Variants in SOX5 observed in about 807,000 individuals in gnomAD.
SOX5 encodes the protein SRY-box transcription factor 5, also known as transcription factor SOX-5.
SOX5 carries 9 observed loss-of-function variants against 92.0 expected under a neutral mutation model. The ratio of observed to expected loss-of-function variants is 0.10; its 90% CI spans 0.06 to 0.17. The LOEUF is 0.17. SOX5 is among the 10% of genes least tolerant of loss of function. The pLI, the probability that SOX5 is intolerant of heterozygous loss-of-function variation, is 1.00. For missense variants in SOX5, 642 were observed against 944.5 expected (o/e 0.68, Z 4.20); for synonymous variants, 344 against 336.3 (o/e 1.02, Z -0.25).
chr12:24,363,689 T>A (rs1323393410), intron 2 of SOX5, among the ~76,000 whole-genome samples: 1 of 149,272 alleles, frequency 6.7e-6, no homozygotes, highest in Middle Eastern at 3.2e-3. Flanking sequence ...AGACTGAGAT[T>A]AATGAGGATT....
At chr12:23,840,296 A>T (rs772401614) in intron 3 of SOX5, among the ~76,000 whole-genome samples, 3 of 152,292 alleles carry the variant, frequency 2.0e-5, no homozygotes, top group African/African-American at 7.2e-5. Flanking sequence ...TTTAAGATCT[A>T]TATGTGGAAA....
intron 3 of SOX5, among the ~76,000 whole-genome samples, chr12:23,818,339 G>C (rs1369155287): frequency 1.3e-5 from 2 of 152,158 alleles, no homozygotes; most frequent in Non-Finnish European, 2.9e-5. Flanking sequence ...GTATGCAACT[G>C]TAACACGACT....
chr12:23,769,930 C>A (rs911490575), intron 3 of SOX5, among the ~76,000 whole-genome samples: 17 of 152,010 alleles, frequency 1.1e-4, no homozygotes, highest in Admixed American at 9.2e-4. Flanking sequence ...ATGCTCATAA[C>A]ACTTGGCTCC....
chr12:24,231,256 G>A (rs1169714667), intron 3 of SOX5, among the ~76,000 whole-genome samples: 1 of 152,020 alleles, frequency 6.6e-6, no homozygotes, highest in African/African-American at 2.4e-5. Flanking sequence ...CAGTAACAAG[G>A]CTCTCTTTCC....
intron 12 of SOX5, among the ~76,000 whole-genome samples, chr12:23,544,335 G>A (rs945596585): frequency 1.3e-5 from 2 of 152,150 alleles, no homozygotes; most frequent in Admixed American, 6.5e-5. Flanking sequence ...AAAATAAGGA[G>A]AACCAGTAGA....
intron 1 of SOX5, among the ~76,000 whole-genome samples, chr12:23,948,341 G>A (rs954858786): frequency 7.2e-5 from 11 of 151,774 alleles, no homozygotes; most frequent in East Asian, 1.9e-4. Context: ...ACATTCAAGC[G>A]TTACTTTATC....
intron 1 of SOX5, among the ~76,000 whole-genome samples, chr12:24,474,211 T>C (rs972468973): frequency 8.5e-5 from 13 of 152,226 alleles, no homozygotes; most frequent in African/African-American, 3.1e-4. Context: ...TTTTGTCATA[T>C]ATAAAACTTA....
At chr12:24,491,559 G>C (rs1157192515) in intron 1 of SOX5, among the ~76,000 whole-genome samples, 1 of 151,862 alleles carries the variant, frequency 6.6e-6, no homozygotes, top group Non-Finnish European at 1.5e-5. Context: ...AAGTAAAAAT[G>C]CAAAAAAAGT....
At chr12:23,625,067 A>T (rs2077600598) in intron 8 of SOX5, among the ~76,000 whole-genome samples, 1 of 152,240 alleles carries the variant, frequency 6.6e-6, no homozygotes, top group Admixed American at 6.5e-5. Context: ...GAGAGCAGGT[A>T]GTCAGGGTTC....
intron 6 of SOX5, among the ~76,000 whole-genome samples, chr12:23,704,713 T>TATATATATATATATATATATATAC: frequency 1.1e-5 from 1 of 89,054 alleles, no homozygotes; most frequent in East Asian, 2.6e-4. Flanking sequence ...TATATATATA[T>TATATATATATATATATATATATAC]ATACACACAC....
At chr12:24,506,816 A>T (rs1372168492) in intron 1 of SOX5, among the ~76,000 whole-genome samples, 1 of 66,124 alleles carries the variant, frequency 1.5e-5, no homozygotes, top group African/African-American at 5.9e-5. Flanking sequence ...TGGAGACGGG[A>T]GTCTCGCTCT....
chr12:24,473,780 C>T (rs1342720797), intron 1 of SOX5, among the ~76,000 whole-genome samples: 1 of 152,106 alleles, frequency 6.6e-6, no homozygotes, highest in Admixed American at 6.6e-5. Context: ...TTATCCAATA[C>T]CTGATGTATT....
chr12:23,534,623 G>A lies in SOX5; in HGVS notation c.1989-101C>T, dbSNP rs1939810539. 3.3e-6 allele frequency: 3 copies of A among 899,134 alleles called. No individual in the cohort carries two copies. The East Asian group carries it at 8.0e-5, about 24-fold the overall frequency. 55.7% of individuals were successfully genotyped at this position (899,134 alleles called of 1,614,324 possible). A position where few individuals can be genotyped will look rare whatever the true frequency, so the allele number is the denominator to read the frequency against. On this transcript the variant is annotated intron_variant, in intron 14 of 14. Coordinates refer to ENST00000451604, the MANE Select transcript of SOX5 (RefSeq NM_006940.6). Reference sequence around the variant, plus strand: ...TTTGCTCAGCAATGTCCAATTCTAAGGTACTAATTTTATCTAATTGCCTAA... The same window carrying A: ...TTTGCTCAGCAATGTCCAATTCTAAAGTACTAATTTTATCTAATTGCCTAA...
chr12:23,546,125 A>G (rs1391717339), intron 12 of SOX5, among the ~76,000 whole-genome samples, 191 bp downstream of exon 12: 1 of 152,150 alleles, frequency 6.6e-6, no homozygotes, highest in African/African-American at 2.4e-5. Context: ...TTGACTAGGA[A>G]TTAAATGAGA....
chr12:23,851,955 G>A (rs908023725), intron 2 of SOX5, among the ~76,000 whole-genome samples: 3 of 152,126 alleles, frequency 2.0e-5, no homozygotes, highest in Non-Finnish European at 2.9e-5. Flanking sequence ...CTAAAGAAGT[G>A]TGATGATCAG....
Position 24,438,482 on chromosome 12 carries a change from T to C in SOX5, c.-250-69843A>G, listed in dbSNP as rs111951781. On this transcript the variant is annotated intron_variant, in intron 1 of 4. Transcript: ENST00000446891. ...TTTGTAAGGCTATAGCTGCCATAGA[T>C]AGTAATTTCTCCAGTGGAACTAGGC... Among the ~76,000 whole-genome samples the C allele has an allele frequency of 4.0e-3, 606 of 152,216 alleles. 5 individuals carry two copies. Among genetic ancestry groups the C allele is most frequent in the Middle Eastern group, 0.017 (5 of 294 alleles).
chr12:23,878,047 A>G (rs2096947898), intron 2 of SOX5, among the ~76,000 whole-genome samples: 1 of 152,032 alleles, frequency 6.6e-6, no homozygotes, highest in Non-Finnish European at 1.5e-5. Context: ...TATTCTATTT[A>G]ATAATGAAGG....
chr12:24,186,924 A>T (rs892194836), intron 4 of SOX5, among the ~76,000 whole-genome samples: 14 of 99,348 alleles, frequency 1.4e-4, no homozygotes, highest in African/African-American at 5.1e-4. Context: ...AAAAGAAAAC[A>T]TGATAAAACA....
intron 6 of SOX5, among the ~76,000 whole-genome samples, chr12:23,734,349 G>T (rs1339590014): frequency 6.6e-6 from 1 of 152,126 alleles, no homozygotes; most frequent in Non-Finnish European, 1.5e-5. Context: ...GTACCTTTCT[G>T]CTTTGGTTCC....
Sources: gnomAD v4.1 joint callset for allele counts (sites outside exome capture counted in the v4.1 genomes callset) on GRCh38, gnomAD v4.1.1 for gene constraint, MANE v1.5 for transcripts, NCBI Gene and HGNC (gene_info 2026-07-23, HGNC 2026-07-21) for gene names.